Variants in ETS1 observed in about 807,000 individuals in gnomAD.
ETS1 encodes the protein protein C-ets-1.
ETS1 carries 15 observed loss-of-function variants against 58.6 expected under a neutral mutation model. That is an observed-to-expected ratio of 0.26 (90% CI 0.17 to 0.39). The LOEUF is 0.39. Ranked by LOEUF, ETS1 falls within the 10% of genes least tolerant of loss-of-function variation. The probability of loss-of-function intolerance (pLI) is 1.00; values close to 1 mark genes in which losing one functional copy is unlikely to be tolerated. For synonymous variants in ETS1, 214 were observed against 218.2 expected (o/e 0.98, Z 0.17); for missense variants, 417 against 610.5 (o/e 0.68, Z 3.34).
intron 3 of ETS1, among the ~76,000 whole-genome samples, chr11:128,511,250 C>A (rs892930806): frequency 6.6e-6 from 1 of 152,066 alleles, no homozygotes; most frequent in African/African-American, 2.4e-5. Context: ...AAGCAATGTG[C>A]CTTATAGTTC....
chr11:128,566,530 T>G (rs1220720233), intron 2 of ETS1, among the ~76,000 whole-genome samples: 1 of 152,028 alleles, frequency 6.6e-6, no homozygotes, highest in African/African-American at 2.4e-5. Flanking sequence ...ACACCTGTAA[T>G]CCCAGCACTT....
intron 3 of ETS1, among the ~76,000 whole-genome samples, chr11:128,548,746 C>G (rs11828668): frequency 6.6e-6 from 1 of 152,224 alleles, no homozygotes; most frequent in African/African-American, 2.4e-5. Flanking sequence ...AAGCTCGTCC[C>G]GGGACGCCCC....
intron 8 of ETS1, among the ~76,000 whole-genome samples, chr11:128,474,717 C>A (rs796794105): frequency 2.3e-4 from 35 of 152,332 alleles, no homozygotes; most frequent in African/African-American, 8.4e-4. Context: ...GGAATCCCTG[C>A]CAGCATCTCA....
chr11:128,461,864 A>G lies in ETS1; in HGVS notation c.*497T>C, dbSNP rs922965633. 1 of 154,424 alleles carries G rather than the reference A, an allele frequency of 6.5e-6. No individual in the cohort carries two copies. The highest frequency in any genetic ancestry group is 6.4e-5 in the Admixed American group (1 of 15,668). 9.6% of individuals were successfully genotyped at this position (154,424 alleles called of 1,614,324 possible). A position where few individuals can be genotyped will look rare whatever the true frequency, so the allele number is the denominator to read the frequency against. On this transcript the variant is annotated 3_prime_UTR_variant, in exon 10 of 10. Coordinates refer to ENST00000392668, the MANE Select transcript of ETS1 (RefSeq NM_001143820.2). ...TTGCTTCAAAACTAGAGTGATAGGT[A>G]AATAGTTCTCAGATTTTCAGTGCAT... is the stretch of plus-strand genomic sequence containing the variant.
intron 1 of ETS1, among the ~76,000 whole-genome samples, chr11:128,580,827 T>C (rs1332653124): frequency 2.6e-5 from 4 of 152,192 alleles, no homozygotes; most frequent in Non-Finnish European, 5.9e-5. Flanking sequence ...CGCCAACCCT[T>C]GCTTAAATGG....
chr11:128,553,684 C>T (rs918057276), intron 3 of ETS1, among the ~76,000 whole-genome samples: 3 of 151,980 alleles, frequency 2.0e-5, no homozygotes, highest in African/African-American at 7.3e-5. Flanking sequence ...CTTCCCTCCA[C>T]ACTCCCGCCA....
chr11:128,460,421 C>T lies in ETS1; in HGVS notation c.*1940G>A, dbSNP rs1861879944. ...TGCAAGAGGATCTGGGAGTAAATAA[C>T]AATCAATTTTCTTAAAGATATGCTA... On this transcript the variant is annotated 3_prime_UTR_variant, in exon 10 of 10. Transcript: ENST00000392668. 1 of 152,720 alleles carries T rather than the reference C, an allele frequency of 6.5e-6. No homozygotes were observed. Among genetic ancestry groups the T allele is most frequent in the Admixed American group, 6.5e-5 (1 of 15,280 alleles). 9.5% of individuals were successfully genotyped at this position (152,720 alleles called of 1,614,324 possible).
In ETS1 at chr11:128,549,526, GTT is replaced by G. The variant is rs766063300; in HGVS notation, c.214+6763_214+6764del. Among the ~76,000 whole-genome samples, 4 of 152,158 alleles carry G rather than the reference GTT, an allele frequency of 2.6e-5. No homozygotes were observed. Among genetic ancestry groups the G allele is most frequent in the Non-Finnish European group, 5.9e-5 (4 of 68,004 alleles). ...TGTGGTTTGAAAAAGTTGAGAGAAC[GTT>G]TTTTCTCTCCGCAGCCCCCTGGGAG... On this transcript the variant is annotated intron_variant, in intron 3 of 9. Transcript: ENST00000392668. This position sits in a 1 kb window ranked among gnomAD's most constrained non-coding sequence, Gnocchi z 4.3.
intron 2 of ETS1, among the ~76,000 whole-genome samples, chr11:128,568,559 C>T (rs1182587615): frequency 1.3e-5 from 2 of 152,202 alleles, no homozygotes; most frequent in Non-Finnish European, 2.9e-5. Context: ...TGTTGCTTCT[C>T]CACCTCCCCA....
intron 1 of ETS1, among the ~76,000 whole-genome samples, chr11:128,578,453 C>T (rs1207152902): frequency 6.6e-6 from 1 of 151,968 alleles, no homozygotes; most frequent in African/African-American, 2.4e-5. Flanking sequence ...TAGGTAAATA[C>T]CAAGTAAATT....
intron 1 of ETS1, among the ~76,000 whole-genome samples, chr11:128,581,227 A>T (rs1354402715): frequency 6.6e-6 from 1 of 152,190 alleles, no homozygotes; most frequent in Non-Finnish European, 1.5e-5. Context: ...ATACATTAAA[A>T]CCTGCCGACT....
chr11:128,585,068 GAA>G lies in ETS1; in HGVS notation c.-15+2418_-15+2419del, dbSNP rs1565421324. 1.3e-3 allele frequency among the ~76,000 whole-genome samples: 26 copies of G among 20,616 alleles called. 4 individuals carry two copies. Among genetic ancestry groups the G allele is most frequent in the African/African-American group, 0.012 (25 of 2,118 alleles). 13.5% of individuals were successfully genotyped at this position (20,616 alleles called of 152,430 possible). A position where few individuals can be genotyped will look rare whatever the true frequency, so the allele number is the denominator to read the frequency against. On this transcript the variant is annotated intron_variant, in intron 1 of 9. Coordinates refer to ENST00000392668, the MANE Select transcript of ETS1 (RefSeq NM_001143820.2). ...AGAAAGAAAGAAAGAAAGAAAGAAA[GAA>G]AGAAAGAGAAAGAAAGAAAGGAAAG...
At chr11:128,558,370 C>A (rs947719239) in intron 2 of ETS1, among the ~76,000 whole-genome samples, 4 of 152,152 alleles carry the variant, frequency 2.6e-5, no homozygotes, top group Non-Finnish European at 4.4e-5. Context: ...CCTGGCCGGG[C>A]GCGGTGGCTC....
At chr11:128,519,915 T>A (rs971342350) in intron 3 of ETS1, among the ~76,000 whole-genome samples, 5 of 152,238 alleles carry the variant, frequency 3.3e-5, no homozygotes, top group African/African-American at 1.2e-4. Flanking sequence ...TTTTTGTCTT[T>A]ATTTTTTCCA....
At chr11:128,575,285 G>C (rs1441266274) in intron 1 of ETS1, among the ~76,000 whole-genome samples, 2 of 150,016 alleles carry the variant, frequency 1.3e-5, no homozygotes, top group African/African-American at 2.5e-5. Flanking sequence ...AATATACTGT[G>C]ATAAAAGTTA....
intron 5 of ETS1, 64 bp downstream of exon 5, chr11:128,489,225 GC>G: frequency 7.1e-7 from 1 of 1,412,756 alleles, no homozygotes; most frequent in South Asian, 1.2e-5. Context: ...CATTGGGTGA[GC>G]CCCCTACCTA....
intron 2 of ETS1, among the ~76,000 whole-genome samples, chr11:128,557,066 G>A (rs1470174974): frequency 1.3e-5 from 2 of 152,198 alleles, no homozygotes; most frequent in Non-Finnish European, 2.9e-5. Flanking sequence ...GAAGACAGAT[G>A]TGCTGTGTGG....
At chr11:128,514,052 A>T (rs1011298791) in intron 3 of ETS1, among the ~76,000 whole-genome samples, 1 of 152,232 alleles carries the variant, frequency 6.6e-6, no homozygotes, top group African/African-American at 2.4e-5. Flanking sequence ...GGGAGACCCT[A>T]GATACTTCAA....
At chr11:128,584,499 T>C (rs956964459) in intron 1 of ETS1, among the ~76,000 whole-genome samples, 9 of 152,126 alleles carry the variant, frequency 5.9e-5, no homozygotes, top group African/African-American at 2.2e-4. Context: ...AACTTCATTG[T>C]AGATTAAATG....
Sources: gnomAD v4.1 joint callset for allele counts (sites outside exome capture counted in the v4.1 genomes callset) on GRCh38, gnomAD v4.1.1 for gene constraint, Gnocchi (gnomAD v3.1) non-coding constraint, MANE v1.5 for transcripts, NCBI Gene and HGNC (gene_info 2026-07-23, HGNC 2026-07-21) for gene names.